Variants in KDM4C observed in about 807,000 individuals in gnomAD.
KDM4C encodes lysine demethylase 4C, also known as lysine-specific demethylase 4C.
KDM4C carries 81 observed loss-of-function variants against 129.3 expected under a neutral mutation model. That is an observed-to-expected ratio of 0.63 (90% confidence interval 0.52 to 0.75). KDM4C has a LOEUF of 0.75. KDM4C is among the 30% of genes least tolerant of loss of function. KDM4C has a pLI of 0.00. For synonymous variants in KDM4C, 573 were observed against 456.1 expected (o/e 1.26, Z -3.26); for missense variants, 1,457 against 1,304.0 (o/e 1.12, Z -1.81).
chr9:7,006,303 C>A (rs1371265849), intron 12 of KDM4C, among the ~76,000 whole-genome samples: 3 of 152,162 alleles, frequency 2.0e-5, no homozygotes, highest in African/African-American at 7.2e-5. Flanking sequence ...AATGGGGCCT[C>A]CCCTTCTCAT....
At chr9:6,832,532 T>C (rs1835041734) in intron 4 of KDM4C, among the ~76,000 whole-genome samples, 1 of 145,808 alleles carries the variant, frequency 6.9e-6, no homozygotes, top group African/African-American at 2.5e-5. Context: ...TTCACGCCAT[T>C]CTCCTGCCTC....
intron 8 of KDM4C, among the ~76,000 whole-genome samples, chr9:6,980,282 C>G (rs16925051): frequency 6.6e-6 from 1 of 151,996 alleles, no homozygotes; most frequent in African/African-American, 2.4e-5. Context: ...GAATTAAAGG[C>G]ATAGTAGATT....
At chr9:6,729,962 T>G (rs1817263671) in intron 1 of KDM4C, among the ~76,000 whole-genome samples, 2 of 133,524 alleles carry the variant, frequency 1.5e-5, no homozygotes, top group Admixed American at 8.0e-5. Flanking sequence ...ATACAAAAAT[T>G]AGCTGGATGC....
chr9:6,847,025 C>T (rs1043264997), intron 4 of KDM4C, among the ~76,000 whole-genome samples: 2 of 152,132 alleles, frequency 1.3e-5, no homozygotes, highest in African/African-American at 4.8e-5. Flanking sequence ...TTGATCTCTA[C>T]CCTCTTCCCC....
intron 1 of KDM4C, among the ~76,000 whole-genome samples, chr9:6,740,095 G>T (rs2130255506): frequency 6.6e-6 from 1 of 151,748 alleles, no homozygotes; most frequent in Admixed American, 6.6e-5. Context: ...TCACCATTTT[G>T]GCCAGGATGG....
intron 8 of KDM4C, among the ~76,000 whole-genome samples, chr9:6,949,319 C>T (rs574859540): frequency 5.3e-5 from 8 of 151,928 alleles, no homozygotes; most frequent in Non-Finnish European, 1.0e-4. Flanking sequence ...CTCCTCATTT[C>T]CTAGACGGGA....
chr9:6,953,868 AC>A (rs1474829939), intron 8 of KDM4C, among the ~76,000 whole-genome samples: 8 of 152,082 alleles, frequency 5.3e-5, no homozygotes, highest in Admixed American at 3.3e-4. Flanking sequence ...TCACTTCTTG[AC>A]CCTTGGAAAT....
intron 19 of KDM4C, among the ~76,000 whole-genome samples, chr9:7,146,301 T>A (rs1486144063): frequency 6.6e-6 from 1 of 152,240 alleles, no homozygotes; most frequent in East Asian, 1.9e-4. Context: ...CTTCTTATAG[T>A]TTCCATATGA....
intron 1 of KDM4C, among the ~76,000 whole-genome samples, chr9:6,777,054 T>TTC (rs1375140699): frequency 6.6e-6 from 1 of 152,194 alleles, no homozygotes; most frequent in Admixed American, 6.5e-5. Context: ...TTCCTCACCC[T>TTC]TCTGTATTTT....
At chr9:7,106,592 C>G (rs1171422485) in intron 18 of KDM4C, among the ~76,000 whole-genome samples, 1 of 151,980 alleles carries the variant, frequency 6.6e-6, no homozygotes, top group Admixed American at 6.6e-5. Context: ...CAATTATTTG[C>G]TATAAAGCAT....
In KDM4C at chr9:6,893,251, A is replaced by C; in HGVS notation, c.921+19A>C. 1 of 1,593,746 alleles carries C rather than the reference A, an allele frequency of 6.3e-7. No homozygotes were observed. Among genetic ancestry groups the C allele is most frequent in the Non-Finnish European group, 8.5e-7 (1 of 1,170,658 alleles). On this transcript the variant is annotated intron_variant, in intron 8 of 21. Transcript: ENST00000381309. ...CAAATTGGTAAGCTATGCCTCAAAA[A>C]TAAAGCAAAAATTAAATGTGTATTC...
chr9:6,898,945 T>C (rs1816894479), intron 8 of KDM4C, among the ~76,000 whole-genome samples: 1 of 152,190 alleles, frequency 6.6e-6, no homozygotes, highest in African/African-American at 2.4e-5. Flanking sequence ...GGAAAGAAAA[T>C]GTAGACTGCT....
intron 8 of KDM4C, among the ~76,000 whole-genome samples, chr9:6,940,976 A>T (rs1825834204): frequency 6.6e-6 from 1 of 151,984 alleles, no homozygotes; most frequent in South Asian, 2.1e-4. Flanking sequence ...ATGCAACCTC[A>T]AAATATTCAC....
In KDM4C at chr9:6,981,104, A is replaced by G; in HGVS notation, c.1101A>G (p.Arg367=). 6.2e-7 allele frequency: 1 copy of G among 1,611,476 alleles called. No homozygotes were observed. The highest frequency in any genetic ancestry group is 8.5e-7 in the Non-Finnish European group (1 of 1,179,028). ...KAWLQRRRKV[R]KASRSFQCAR... ...GGCTGCAGAGGAGGAGGAAAGTAAGAAAAGCATCCCGAAGGTAATGACCCC... is the reference window on the plus strand; with the variant it reads ...GGCTGCAGAGGAGGAGGAAAGTAAGGAAAGCATCCCGAAGGTAATGACCCC... The change falls in exon 9 of 22, where the codon AGA becomes AGG. Residue 367 remains arginine (R), a synonymous_variant. Transcript: ENST00000381309.
chr9:7,151,336 A>G (rs1214865040), intron 19 of KDM4C, among the ~76,000 whole-genome samples: 1 of 152,026 alleles, frequency 6.6e-6, no homozygotes, highest in Non-Finnish European at 1.5e-5. Flanking sequence ...GATGGGCTTC[A>G]TTTCAGCTTA....
intron 8 of KDM4C, among the ~76,000 whole-genome samples, chr9:6,935,506 C>G (rs1824610806): frequency 6.6e-6 from 1 of 151,628 alleles, no homozygotes; most frequent in African/African-American, 2.4e-5. Flanking sequence ...AATCTCCCAT[C>G]TCCCAAGTTC....
intron 8 of KDM4C, among the ~76,000 whole-genome samples, chr9:6,961,645 T>C (rs1342308497): frequency 6.6e-6 from 1 of 152,232 alleles, no homozygotes; most frequent in Non-Finnish European, 1.5e-5. Flanking sequence ...TTATTTATCA[T>C]AGTAATCCTT....
chr9:6,973,301 C>T lies in KDM4C; in HGVS notation c.922-7624C>T, dbSNP rs185492811. 3.4e-3 allele frequency among the ~76,000 whole-genome samples: 512 copies of T among 152,294 alleles called. 2 individuals are homozygous for T. Among genetic ancestry groups the T allele is most frequent in the Non-Finnish European group, 5.1e-3 (345 of 68,028 alleles). The stretch of plus-strand genomic sequence containing the variant: ...CAAGCAATCTTCCTGTGTCAGCCTT[C>T]CAAAGTGCTAGGATTACAGGCGTGA... On this transcript the variant is annotated intron_variant, in intron 8 of 21. Coordinates refer to ENST00000381309, the MANE Select transcript of KDM4C (RefSeq NM_015061.6).
chr9:6,934,116 G>A (rs1824268101), intron 8 of KDM4C, among the ~76,000 whole-genome samples: 1 of 151,608 alleles, frequency 6.6e-6, no homozygotes, highest in Non-Finnish European at 1.5e-5. Flanking sequence ...GCCTCCCAAA[G>A]TGCTGGGATT....
Sources: allele counts gnomAD v4.1 joint callset (sites outside exome capture counted in the v4.1 genomes callset), GRCh38; gene constraint gnomAD v4.1.1; transcripts MANE v1.5; gene names NCBI Gene and HGNC (gene_info 2026-07-23, HGNC 2026-07-21).